Variants in ZFHX3 observed in about 807,000 individuals in gnomAD.
ZFHX3 encodes zinc finger homeobox 3, also known as zinc finger homeobox protein 3.
Under a neutral mutation model 279.1 loss-of-function variants are expected in ZFHX3, and 42 were observed. The ratio of observed to expected loss-of-function variants is 0.15; its 90% CI spans 0.12 to 0.19. The LOEUF (loss-of-function observed/expected upper bound fraction) is 0.19, where lower values mean the gene tolerates loss of function less well. Ranked by LOEUF, ZFHX3 falls within the 10% of genes least tolerant of loss-of-function variation. ZFHX3 has a pLI of 1.00. For missense variants in ZFHX3, 4,981 were observed against 4,754.0 expected (o/e 1.05, Z -1.40); for synonymous variants, 2,293 against 1,957.8 (o/e 1.17, Z -4.52).
At chr16:72,841,562 G>A (rs759579411) in intron 4 of ZFHX3, among the ~76,000 whole-genome samples, 19 of 152,136 alleles carry the variant, frequency 1.2e-4, no homozygotes, top group Non-Finnish European at 2.4e-4. Flanking sequence ...TTTGGATCCT[G>A]TACAATGAAA....
At chr16:73,545,324 T>A (rs1446757781) in intron 2 of ZFHX3, among the ~76,000 whole-genome samples, 1 of 152,236 alleles carries the variant, frequency 6.6e-6, no homozygotes, top group Non-Finnish European at 1.5e-5. Flanking sequence ...TTCTTGATTT[T>A]GCCTTTAATT....
chr16:73,254,051 T>C (rs541544926), intron 5 of ZFHX3, among the ~76,000 whole-genome samples: 4 of 152,156 alleles, frequency 2.6e-5, no homozygotes, highest in Non-Finnish European at 5.9e-5. Flanking sequence ...CAGCATTCAT[T>C]CCAGGCCACG....
chr16:73,146,444 G>GA (rs1318250505), intron 5 of ZFHX3, among the ~76,000 whole-genome samples: 1 of 146,706 alleles, frequency 6.8e-6, no homozygotes, highest in African/African-American at 2.5e-5. Flanking sequence ...AAAAAAAAAA[G>GA]ATCTTCTGAA....
intron 3 of ZFHX3, among the ~76,000 whole-genome samples, chr16:73,385,852 G>T (rs780913588): frequency 6.6e-6 from 1 of 152,184 alleles, no homozygotes; most frequent in African/African-American, 2.4e-5. Context: ...CCCACGGAAG[G>T]TGATGTTCCT....
At chr16:73,480,662 A>G (rs1415608907) in intron 2 of ZFHX3, among the ~76,000 whole-genome samples, 2 of 152,112 alleles carry the variant, frequency 1.3e-5, no homozygotes, top group African/African-American at 4.8e-5. Context: ...GGCCTTCTAA[A>G]CGGCCACTCT....
In ZFHX3 at chr16:72,811,710, G is replaced by C. The variant is rs190630040; in HGVS notation, c.3731C>G (p.Thr1244Arg). 4 of 1,614,082 alleles carry C rather than the reference G, an allele frequency of 2.5e-6. No homozygotes were observed. The South Asian group carries it at 3.3e-5, about 13-fold the overall frequency. The change falls in exon 7 of 10, where the codon ACG becomes AGG. Residue 1244 changes from threonine to arginine, a missense_variant. By Grantham distance (71) the Thr-to-Arg change is moderately conservative. Transcript: ENST00000268489. Reference sequence around the variant, plus strand: ...AAGCATGGGTTGCACCGAGTGCTGCGTCATGGCATGCACCCGGAGCCGGTT... The same window carrying C: ...AAGCATGGGTTGCACCGAGTGCTGCCTCATGGCATGCACCCGGAGCCGGTT... ...DVNRLRVHAM[T>R]QHSVQPMLRC... is the part of the protein sequence containing the mutation.
chr16:73,217,099 C>T (rs2144916335), intron 5 of ZFHX3, among the ~76,000 whole-genome samples: 1 of 152,250 alleles, frequency 6.6e-6, no homozygotes, highest in South Asian at 2.1e-4. Context: ...ATAGTTTTGC[C>T]CGTAATAATG....
At chr16:73,319,461 A>T (rs1265832106) in intron 3 of ZFHX3, among the ~76,000 whole-genome samples, 1 of 152,092 alleles carries the variant, frequency 6.6e-6, no homozygotes, top group East Asian at 1.9e-4. Context: ...AGAAACTGTA[A>T]AGGGCTTCCG....
Position 72,842,987 on chromosome 16 carries a change from C to A in ZFHX3, c.3449-13128G>T, listed in dbSNP as rs563507131. On this transcript the variant is annotated intron_variant, in intron 4 of 9. Transcript: ENST00000268489. ...ATTAGGATGGCAAAAGCAGAAATTT[C>A]TTAGGTGTTTTAGAAAATATAAAAA... 9.9e-5 allele frequency among the ~76,000 whole-genome samples: 15 copies of A among 152,228 alleles called. No individual in the cohort carries two copies. The East Asian group carries it at 2.9e-3, about 29-fold the overall frequency.
chr16:73,762,208 T>C (rs1006412177), intron 1 of ZFHX3, among the ~76,000 whole-genome samples: 1 of 151,268 alleles, frequency 6.6e-6, no homozygotes, highest in Non-Finnish European at 1.5e-5. Flanking sequence ...AAGATATTTA[T>C]GTGGCCAACA....
intron 1 of ZFHX3, among the ~76,000 whole-genome samples, chr16:73,835,682 G>T (rs913832562): frequency 1.3e-5 from 2 of 151,874 alleles, no homozygotes; most frequent in South Asian, 2.1e-4. Flanking sequence ...TGTTGGTCAG[G>T]CTTGTGTTGA....
At chr16:73,783,563 C>T (rs771072917) in intron 1 of ZFHX3, among the ~76,000 whole-genome samples, 1 of 152,182 alleles carries the variant, frequency 6.6e-6, no homozygotes, top group Non-Finnish European at 1.5e-5. Context: ...TGACCTATAG[C>T]ATGTGGGAAA....
chr16:72,987,932 T>A (rs909543105), intron 1 of ZFHX3, among the ~76,000 whole-genome samples: 1 of 152,204 alleles, frequency 6.6e-6, no homozygotes, highest in Non-Finnish European at 1.5e-5. Context: ...CATTCACATA[T>A]GCTCACGGGG....
At chr16:73,420,809 T>C (rs1445076344) in intron 3 of ZFHX3, 1 of 152,236 alleles carries the variant, frequency 6.6e-6, no homozygotes, top group East Asian at 1.9e-4. Flanking sequence ...TGCACACTCA[T>C]TGACTATCAA....
intron 3 of ZFHX3, among the ~76,000 whole-genome samples, chr16:73,319,385 G>T (rs1171723798): frequency 4.6e-5 from 7 of 151,978 alleles, no homozygotes; most frequent in Non-Finnish European, 8.8e-5. Context: ...AGGTTACTTG[G>T]CAATAGGGGA....
intron 8 of ZFHX3, among the ~76,000 whole-genome samples, chr16:73,072,640 T>A (rs1965838154): frequency 6.6e-6 from 1 of 151,948 alleles, no homozygotes; most frequent in Non-Finnish European, 1.5e-5. Context: ...TCATAACTCA[T>A]TGCAGCCTCC....
chr16:73,224,193 G>C (rs2012516700), intron 5 of ZFHX3, among the ~76,000 whole-genome samples: 1 of 152,192 alleles, frequency 6.6e-6, no homozygotes. Context: ...TGATACTGAT[G>C]TGTCAATGTA....
intron 2 of ZFHX3, among the ~76,000 whole-genome samples, chr16:73,480,128 A>G (rs2018838736): frequency 6.6e-6 from 1 of 151,550 alleles, no homozygotes; most frequent in African/African-American, 2.4e-5. Context: ...CCTTCTCCAG[A>G]TTAAATCGTC....
intron 1 of ZFHX3, among the ~76,000 whole-genome samples, chr16:72,967,698 C>T (rs933143160): frequency 2.5e-4 from 38 of 149,956 alleles, no homozygotes; most frequent in Non-Finnish European, 3.7e-4. Context: ...GGGCAGATCA[C>T]GAGGCCAGGT....
Sources: allele counts gnomAD v4.1 joint callset (sites outside exome capture counted in the v4.1 genomes callset), GRCh38; gene constraint gnomAD v4.1.1; transcripts MANE v1.5; gene names NCBI Gene and HGNC (gene_info 2026-07-23, HGNC 2026-07-21).